The following WHRN variants were observed in gnomAD, a reference collection of about 807,000 sequenced individuals.
WHRN encodes whirlin.
A neutral mutation model predicts 68.3 loss-of-function variants in WHRN; 41 were observed. The ratio of observed to expected loss-of-function variants is 0.60; its 90% CI spans 0.47 to 0.78. WHRN has a LOEUF of 0.78. Among genes scored for constraint, WHRN ranks in the 30% least tolerant of loss-of-function variants. WHRN has a pLI of 0.00. For missense variants in WHRN, 1,243 were observed against 1,244.7 expected (o/e 1.00, Z 0.02); for synonymous variants, 560 against 561.3 (o/e 1.00, Z 0.03).
intron 3 of WHRN, among the ~76,000 whole-genome samples, chr9:114,428,455 TTAA>T (rs1837089342): frequency 1.3e-5 from 2 of 152,208 alleles, no homozygotes; most frequent in Non-Finnish European, 2.9e-5. Context: ...TGTTTTCTCC[TTAA>T]TATCACCAAC....
At chr9:114,413,159 A>AT (rs1256453717) in intron 7 of WHRN, among the ~76,000 whole-genome samples, 1 of 152,198 alleles carries the variant, frequency 6.6e-6, no homozygotes, top group African/African-American at 2.4e-5. Flanking sequence ...GGGGGCCTAG[A>AT]TTTTGCCTGA....
chr9:114,454,559 CA>C (rs200716816), intron 3 of WHRN, among the ~76,000 whole-genome samples: 16 of 150,540 alleles, frequency 1.1e-4, no homozygotes, highest in Admixed American at 5.3e-4. Context: ...AATTACAGAA[CA>C]AAAAAAAACC....
chr9:114,406,629 G>T lies in WHRN; in HGVS notation c.1962C>A (p.Val654=), dbSNP rs1171260165. 5.0e-6 allele frequency: 8 copies of T among 1,612,016 alleles called. No individual in the cohort carries two copies. The highest frequency in any genetic ancestry group is 6.8e-6 in the Non-Finnish European group (8 of 1,178,482). Residue 654 remains valine (V), a synonymous_variant, in exon 9 of 12, where the codon GTC becomes GTA. Transcript: ENST00000362057. ...TCTTGGAGCTGGGGTTGGCAGGGGA[G>T]ACGGAGGCATAGATGGGGGAAGAGG... ...DLPSSPIYAS[V]SPANPSSKRP... is the part of the protein sequence containing the mutation.
At chr9:114,449,417 C>T (rs1195473947) in intron 3 of WHRN, among the ~76,000 whole-genome samples, 1 of 152,240 alleles carries the variant, frequency 6.6e-6, no homozygotes, top group Non-Finnish European at 1.5e-5. Context: ...TGTGGCCAAG[C>T]TGCAAGTGAG....
At chr9:114,479,070 C>G (rs985538832) in intron 1 of WHRN, among the ~76,000 whole-genome samples, 1 of 152,172 alleles carries the variant, frequency 6.6e-6, no homozygotes, top group South Asian at 2.1e-4. Flanking sequence ...TTTACAAGGC[C>G]GGCCTTTGGC....
chr9:114,487,840 G>C (rs1389126318), intron 1 of WHRN, among the ~76,000 whole-genome samples: 2 of 152,150 alleles, frequency 1.3e-5, no homozygotes, highest in Non-Finnish European at 2.9e-5. Flanking sequence ...GACAGGGCTG[G>C]GTGGAGGCCT....
chr9:114,410,241 C>T (rs956935997), intron 7 of WHRN, among the ~76,000 whole-genome samples: 1 of 152,228 alleles, frequency 6.6e-6, no homozygotes, highest in Non-Finnish European at 1.5e-5. Flanking sequence ...ATACTCTTTG[C>T]ATACTGTCTG....
At chr9:114,478,813 C>CG (rs760590763) in intron 1 of WHRN, 42 bp from the exon 2 acceptor site, 1 of 1,575,612 alleles carries the variant, frequency 6.3e-7, no homozygotes, top group East Asian at 2.3e-5. Context: ...AGGGAGGTGC[C>CG]GGGGGTGTGG....
intron 3 of WHRN, among the ~76,000 whole-genome samples, chr9:114,444,565 C>A (rs867207954): frequency 2.6e-5 from 4 of 152,020 alleles, no homozygotes; most frequent in African/African-American, 9.7e-5. Flanking sequence ...TCCGAAACCC[C>A]CTTCTCTTAA....
At chr9:114,472,609 T>C (rs1841329817) in intron 2 of WHRN, among the ~76,000 whole-genome samples, 1 of 152,168 alleles carries the variant, frequency 6.6e-6, no homozygotes, top group East Asian at 1.9e-4. Context: ...TTCATGCCCG[T>C]TACGGTCCCC....
chr9:114,417,536 G>A lies in WHRN; in HGVS notation c.1626+5778C>T, dbSNP rs547398045. Among the ~76,000 whole-genome samples, 50 of 152,364 alleles carry A rather than the reference G, an allele frequency of 3.3e-4. 1 individual carries two copies. Among genetic ancestry groups the A allele is most frequent in the African/African-American group, 1.0e-3 (43 of 41,590 alleles). ...TTGCACCAGCTCTCGCTGTTTATTG[G>A]GGAAGGGAAACCCACGAAGAGGTTA... On this transcript the variant is annotated intron_variant, in intron 7 of 11. Coordinates refer to ENST00000362057, the MANE Select transcript of WHRN (RefSeq NM_015404.4).
intron 2 of WHRN, among the ~76,000 whole-genome samples, chr9:114,467,958 T>C (rs1459104569): frequency 6.6e-6 from 1 of 152,186 alleles, no homozygotes; most frequent in Non-Finnish European, 1.5e-5. Flanking sequence ...CAGATTTCTA[T>C]TTCGGAAGTT....
chr9:114,422,134 C>T (rs1304744646), intron 7 of WHRN, among the ~76,000 whole-genome samples: 1 of 152,172 alleles, frequency 6.6e-6, no homozygotes, highest in African/African-American at 2.4e-5. Flanking sequence ...CCTCTGAGCT[C>T]CTGCTCTCCC....
At chr9:114,431,559 T>C (rs947417370) in intron 3 of WHRN, among the ~76,000 whole-genome samples, 1 of 152,236 alleles carries the variant, frequency 6.6e-6, no homozygotes, top group Non-Finnish European at 1.5e-5. Context: ...GGACCCGGCC[T>C]TCCTCCTCTC....
intron 1 of WHRN, chr9:114,503,017 A>G: frequency 1.7e-6 from 1 of 578,866 alleles, no homozygotes. Context: ...GAAAGCCTCA[A>G]GGGCTTCCTC....
chr9:114,442,681 T>C (rs956853583), intron 3 of WHRN, among the ~76,000 whole-genome samples: 2 of 152,094 alleles, frequency 1.3e-5, no homozygotes, highest in African/African-American at 2.4e-5. Context: ...GTCTGGGACC[T>C]CCCTGCTCTC....
intron 9 of WHRN, 95 bp from the exon 10 acceptor site, chr9:114,404,172 G>T (rs1012808256): frequency 6.0e-6 from 8 of 1,334,604 alleles, no homozygotes; most frequent in Non-Finnish European, 8.3e-6. Context: ...CTGGAAGGCT[G>T]GGGGAATTCC....
intron 3 of WHRN, 99 bp downstream of exon 3, chr9:114,466,168 C>T: frequency 6.3e-7 from 1 of 1,583,696 alleles, no homozygotes; most frequent in East Asian, 2.2e-5. Flanking sequence ...GGGACCAGTC[C>T]TCAAGGTGGA....
intron 3 of WHRN, among the ~76,000 whole-genome samples, chr9:114,441,190 T>C (rs1838342703): frequency 6.6e-6 from 1 of 152,232 alleles, no homozygotes; most frequent in South Asian, 2.1e-4. Context: ...TATATAGATA[T>C]ATAACATACA....
Sources: gnomAD v4.1 joint callset for allele counts (sites outside exome capture counted in the v4.1 genomes callset) on GRCh38, gnomAD v4.1.1 for gene constraint, MANE v1.5 for transcripts, NCBI Gene and HGNC (gene_info 2026-07-23, HGNC 2026-07-21) for gene names.